AGO2: variants seen among roughly 807,000 people sequenced by gnomAD.
The protein encoded by AGO2 is protein argonaute-2.
Under a neutral mutation model 102.3 loss-of-function variants are expected in AGO2, and 5 were observed. That is an observed-to-expected ratio of 0.05 (90% confidence interval 0.03 to 0.10). AGO2 has a LOEUF of 0.10. Ranked by LOEUF, AGO2 falls within the 10% of genes least tolerant of loss-of-function variation. AGO2 has a pLI of 1.00. For synonymous variants in AGO2, 449 were observed against 473.1 expected, an observed-to-expected ratio of 0.95 and a Z score of 0.66; for missense variants, 541 against 1,183.7, an observed-to-expected ratio of 0.46 and a Z score of 7.97.
the AGO2 span, among the ~76,000 whole-genome samples, chr8:140,641,135 A>G: frequency 1.3e-5 from 2 of 152,142 alleles, no homozygotes; most frequent in South Asian, 4.1e-4. Flanking sequence ...TCTACAAAAA[A>G]TACAAAAATT....
intron 1 of AGO2, among the ~76,000 whole-genome samples, chr8:140,629,046 G>A (rs2074309009): frequency 1.3e-5 from 2 of 152,162 alleles, no homozygotes; most frequent in African/African-American, 2.4e-5. Flanking sequence ...GGTCGACATT[G>A]CGCCACTGCC....
intron 1 of AGO2, among the ~76,000 whole-genome samples, chr8:140,607,831 G>A (rs950112243): frequency 7.9e-5 from 12 of 152,096 alleles, no homozygotes; most frequent in African/African-American, 7.2e-5. Context: ...TGTTCCAGGC[G>A]ATGGAAACGT....
chr8:140,600,177 T>C (rs1588495193), intron 1 of AGO2, among the ~76,000 whole-genome samples: 1 of 152,340 alleles, frequency 6.6e-6, no homozygotes, highest in Non-Finnish European at 1.5e-5. Context: ...TGAGCAACGA[T>C]TAGAAAAGTT....
chr8:140,535,888 G>A lies in AGO2; in HGVS notation c.2170-319C>T, dbSNP rs549059812. 3.8e-3 allele frequency among the ~76,000 whole-genome samples: 584 copies of A among 152,336 alleles called. 3 individuals are homozygous for A. Among genetic ancestry groups the A allele is most frequent in the Non-Finnish European group, 6.4e-3 (433 of 68,032 alleles). ...CCCTCGATACTGTTGGTGCTATTTTGATTTGAGGTCAAGATGGAAACTGTC... is the reference window on the plus strand; with the variant it reads ...CCCTCGATACTGTTGGTGCTATTTTAATTTGAGGTCAAGATGGAAACTGTC... On this transcript the variant is annotated intron_variant, in intron 16 of 18. Coordinates refer to ENST00000220592, the MANE Select transcript of AGO2 (RefSeq NM_012154.5).
intron 1 of AGO2, among the ~76,000 whole-genome samples, chr8:140,606,887 A>G (rs1276030786): frequency 6.6e-6 from 1 of 151,420 alleles, no homozygotes; most frequent in Non-Finnish European, 1.5e-5. Context: ...TGGTGAGCCG[A>G]GATCACACCA....
At chr8:140,632,977 A>G (rs1007302839) in intron 1 of AGO2, among the ~76,000 whole-genome samples, 1 of 151,230 alleles carries the variant, frequency 6.6e-6, no homozygotes, top group African/African-American at 2.4e-5. Flanking sequence ...CAGTGGCGCA[A>G]TCTTGGCTCA....
At chr8:140,578,863 C>T (rs1466672634) in intron 2 of AGO2, among the ~76,000 whole-genome samples, 4 of 152,254 alleles carry the variant, frequency 2.6e-5, no homozygotes, top group South Asian at 2.1e-4. Context: ...TTGCTAATGC[C>T]GAGAAGCAAG....
chr8:140,590,030 C>A (rs189322118), intron 1 of AGO2, among the ~76,000 whole-genome samples: 1 of 152,198 alleles, frequency 6.6e-6, no homozygotes, highest in Non-Finnish European at 1.5e-5. Flanking sequence ...GGAATGCAGT[C>A]GGAACATCTG....
At chr8:140,543,998 T>A (rs1324089953) in intron 14 of AGO2, among the ~76,000 whole-genome samples, 1 of 152,228 alleles carries the variant, frequency 6.6e-6, no homozygotes, top group Non-Finnish European at 1.5e-5. Flanking sequence ...TGAGCCCCTA[T>A]GCCCCACCTC....
At position 140,567,240 on chromosome 8, in the gene AGO2, T is replaced by C. The variant is rs1377583768; in HGVS notation, c.337-4606A>G. On this transcript the variant is annotated intron_variant, in intron 3 of 18. Transcript: ENST00000220592. This position sits in a 1 kb window ranked among gnomAD's most constrained non-coding sequence, Gnocchi z 5.0. ...TCTGTAACTATCTGCCCATCCCACG[T>C]CCACAGTGGCTGGCTGGTGCTCGTG... 1.3e-5 allele frequency among the ~76,000 whole-genome samples: 2 copies of C among 152,232 alleles called. No individual in the cohort carries two copies. The highest frequency in any genetic ancestry group is 2.4e-5 in the African/African-American group (1 of 41,468).
chr8:140,613,247 C>T (rs530966824), intron 1 of AGO2, among the ~76,000 whole-genome samples: 6 of 152,186 alleles, frequency 3.9e-5, no homozygotes, highest in Non-Finnish European at 4.4e-5. Context: ...ATATCCCTGT[C>T]GACAGAATGC....
At chr8:140,564,157 A>G (rs1043690466) in intron 3 of AGO2, among the ~76,000 whole-genome samples, 4 of 152,256 alleles carry the variant, frequency 2.6e-5, no homozygotes, top group African/African-American at 9.6e-5. Flanking sequence ...CAAGAAAAGC[A>G]GCAAGCCACA....
In AGO2 at chr8:140,524,463, C is replaced by G. The variant is rs2072465850; in HGVS notation, c.*7581G>C. ...CGAGTGCGTCCCCCGCGGCTCCAGA[C>G]TGCATGGCATCACAGTTTACAAGTC... On this transcript the variant is annotated 3_prime_UTR_variant, in exon 19 of 19. Transcript: ENST00000220592. 1 of 152,284 alleles carries G rather than the reference C, an allele frequency of 6.6e-6. No individual in the cohort carries two copies. 9.4% of individuals were successfully genotyped at this position (152,284 alleles called of 1,614,324 possible).
intron 1 of AGO2, among the ~76,000 whole-genome samples, 184 bp downstream of exon 1, chr8:140,635,286 CCGAGAAAACGGCCGG>C (rs2074392080): frequency 6.8e-6 from 1 of 146,054 alleles, no homozygotes; most frequent in Non-Finnish European, 1.5e-5. Context: ...CAACGCGGGG[CCGAGAAAACGGCCGG>C]CTCGGCCCCG....
intron 1 of AGO2, among the ~76,000 whole-genome samples, chr8:140,632,323 G>A (rs2074352425): frequency 6.6e-6 from 1 of 152,240 alleles, no homozygotes; most frequent in African/African-American, 2.4e-5. Flanking sequence ...CTGCCCCACG[G>A]GTAGAGGGTG....
intron 13 of AGO2, 73 bp downstream of exon 13, chr8:140,547,395 T>C: frequency 6.4e-7 from 1 of 1,561,426 alleles, no homozygotes; most frequent in South Asian, 1.2e-5. Flanking sequence ...GCCCCCTGCA[T>C]ACTGCACCCC....
chr8:140,565,652 AAAG>A (rs57015344), intron 3 of AGO2, among the ~76,000 whole-genome samples: 23,573 of 149,954 alleles, frequency 0.16, 1,715 homozygotes, highest in East Asian at 0.23. Flanking sequence ...AAAAAAAAAA[AAAG>A]AAGAAGAAGA....
chr8:140,556,458 C>T (rs2977485), intron 8 of AGO2, among the ~76,000 whole-genome samples, 172 bp from the exon 9 acceptor site: 31,217 of 152,020 alleles, frequency 0.21, 4,185 homozygotes, highest in African/African-American at 0.38. Context: ...CACGGCCTTC[C>T]GCTTCACAAC....
At position 140,540,867 on chromosome 8, in the gene AGO2, G is replaced by T. The variant is rs1368257481; in HGVS notation, c.2034+297C>A. ...CAGGCCCTCGGGAAGCCCCCAGATG[G>T]AGCTCTGCTCTGCAAGTCAGCGGAA... On this transcript the variant is annotated intron_variant, in intron 15 of 18. Transcript: ENST00000220592. This position sits in a 1 kb window ranked among gnomAD's most constrained non-coding sequence, Gnocchi z 5.0. Among the ~76,000 whole-genome samples the T allele has an allele frequency of 6.6e-6, 1 of 152,142 alleles. No individual in the cohort carries two copies. Among genetic ancestry groups the T allele is most frequent in the South Asian group, 2.1e-4 (1 of 4,826 alleles).
Sources: allele counts gnomAD v4.1 joint callset (sites outside exome capture counted in the v4.1 genomes callset), GRCh38; gene constraint gnomAD v4.1.1; non-coding constraint Gnocchi (gnomAD v3.1); transcripts MANE v1.5; gene names NCBI Gene and HGNC (gene_info 2026-07-23, HGNC 2026-07-21).